Variants in EFNA5 observed in about 807,000 individuals in gnomAD.
EFNA5 encodes the protein ephrin A5.
Under a neutral mutation model 22.9 loss-of-function variants are expected in EFNA5, and 5 were observed. The observed-to-expected ratio is 0.22, with a 90% CI of 0.11 to 0.46. EFNA5 has a LOEUF of 0.46. EFNA5 is among the 20% of genes least tolerant of loss of function. The pLI, the probability that EFNA5 is intolerant of heterozygous loss-of-function variation, is 0.99. For synonymous variants in EFNA5, 113 were observed against 112.2 expected, an observed-to-expected ratio of 1.01 and a Z score of -0.04; for missense variants, 237 against 293.3, an observed-to-expected ratio of 0.81 and a Z score of 1.40.
At chr5:107,569,100 C>T (rs974916411) in intron 1 of EFNA5, among the ~76,000 whole-genome samples, 3 of 151,780 alleles carry the variant, frequency 2.0e-5, no homozygotes, top group African/African-American at 7.3e-5. Flanking sequence ...GCATATTAAC[C>T]CCCAGATGAG....
chr5:107,548,873 G>A (rs1229458736), intron 1 of EFNA5, among the ~76,000 whole-genome samples: 2 of 152,246 alleles, frequency 1.3e-5, no homozygotes, highest in South Asian at 2.1e-4. Flanking sequence ...AAAAGTCTTC[G>A]AGAGGATTTG....
At chr5:107,610,520 G>C (rs1203042024) in intron 1 of EFNA5, among the ~76,000 whole-genome samples, 1 of 152,158 alleles carries the variant, frequency 6.6e-6, no homozygotes, top group Non-Finnish European at 1.5e-5. Context: ...ATGATACTTT[G>C]TCTCTATGAA....
intron 1 of EFNA5, among the ~76,000 whole-genome samples, chr5:107,654,291 T>C (rs1191162512): frequency 1.3e-5 from 2 of 152,176 alleles, no homozygotes; most frequent in Admixed American, 6.6e-5. Flanking sequence ...AGACCTTCTA[T>C]ATTAAATATG....
At chr5:107,546,111 A>G (rs1171396124) in intron 1 of EFNA5, among the ~76,000 whole-genome samples, 1 of 152,180 alleles carries the variant, frequency 6.6e-6, no homozygotes, top group African/African-American at 2.4e-5. Context: ...AGCGATATCA[A>G]AAGTTGTATT....
At chr5:107,584,463 T>C (rs891756023) in intron 1 of EFNA5, among the ~76,000 whole-genome samples, 1 of 152,214 alleles carries the variant, frequency 6.6e-6, no homozygotes, top group African/African-American at 2.4e-5. Flanking sequence ...CCCTGAGATT[T>C]ATATATTCCC....
At chr5:107,510,503 A>T (rs1415148160) in intron 1 of EFNA5, among the ~76,000 whole-genome samples, 1 of 152,144 alleles carries the variant, frequency 6.6e-6, no homozygotes, top group Non-Finnish European at 1.5e-5. Context: ...AGGGACTTGC[A>T]CCAAACTCCT....
In EFNA5 at chr5:107,381,198, T is replaced by C. The variant is rs780500288; in HGVS notation, c.*57A>G. 6.4e-7 allele frequency: 1 copy of C among 1,559,720 alleles called. No individual in the cohort carries two copies. Among genetic ancestry groups the C allele is most frequent in the African/African-American group, 1.3e-5 (1 of 74,202 alleles). On this transcript the variant is annotated 3_prime_UTR_variant, in exon 5 of 5. Coordinates refer to ENST00000333274, the MANE Select transcript of EFNA5 (RefSeq NM_001962.3). ...TTCTTAGGATGAGCAGTTAGGTGGATCTCTGGTGTTCCAAGACCCTGATGT... is the reference window on the plus strand; with the variant it reads ...TTCTTAGGATGAGCAGTTAGGTGGACCTCTGGTGTTCCAAGACCCTGATGT...
chr5:107,414,785 A>C (rs956528164), intron 2 of EFNA5, among the ~76,000 whole-genome samples: 8 of 152,194 alleles, frequency 5.3e-5, no homozygotes, highest in Non-Finnish European at 7.4e-5. Context: ...TAATCTAGCA[A>C]ATGTTATTGA....
intron 1 of EFNA5, among the ~76,000 whole-genome samples, chr5:107,583,606 C>A (rs145458181): frequency 1.3e-5 from 2 of 152,038 alleles, no homozygotes; most frequent in African/African-American, 4.8e-5. Context: ...GGAGCATCTG[C>A]GTGGGTTACA....
rs142309420 is a variant in EFNA5, at chr5:107,588,811, G to C, written c.125+81678C>G. ...AGACTCATTTAAATTATCAACCTGA[G>C]CATTAACCACAAGGAGAGAAAAACA... On this transcript the variant is annotated intron_variant, in intron 1 of 4. Coordinates refer to ENST00000333274, the MANE Select transcript of EFNA5 (RefSeq NM_001962.3). 1.3e-3 allele frequency among the ~76,000 whole-genome samples: 199 copies of C among 152,276 alleles called. 1 individual carries two copies. The highest frequency in any genetic ancestry group is 4.7e-3 in the African/African-American group (196 of 41,558).
rs114894721 is a variant in EFNA5 at position 107,482,643 on chromosome 5, G to A, written c.126-55134C>T. On this transcript the variant is annotated intron_variant, in intron 1 of 4. Coordinates refer to ENST00000333274, the MANE Select transcript of EFNA5 (RefSeq NM_001962.3). ...TGGGCCTTGTCGTGATATCATTTGCGCAATGTAGCCTGTGATGGCAGAAAA... is the reference window on the plus strand; with the variant it reads ...TGGGCCTTGTCGTGATATCATTTGCACAATGTAGCCTGTGATGGCAGAAAA... Among the ~76,000 whole-genome samples, 626 of 152,150 alleles carry A rather than the reference G, an allele frequency of 4.1e-3. 3 individuals carry two copies. The highest frequency in any genetic ancestry group is 0.015 in the African/African-American group (603 of 41,506).
At chr5:107,586,231 C>T (rs1749183577) in intron 1 of EFNA5, among the ~76,000 whole-genome samples, 1 of 152,112 alleles carries the variant, frequency 6.6e-6, no homozygotes, top group Non-Finnish European at 1.5e-5. Flanking sequence ...TAAAGATCTA[C>T]AATTACAATA....
intron 1 of EFNA5, among the ~76,000 whole-genome samples, chr5:107,486,898 G>C (rs969393791): frequency 2.0e-5 from 3 of 151,638 alleles, no homozygotes; most frequent in Non-Finnish European, 2.9e-5. Flanking sequence ...GGTCTCCTCA[G>C]TGTATTTATA....
At chr5:107,523,063 T>A (rs1747627802) in intron 1 of EFNA5, among the ~76,000 whole-genome samples, 1 of 152,200 alleles carries the variant, frequency 6.6e-6, no homozygotes, top group Non-Finnish European at 1.5e-5. Context: ...CAAGTTAATA[T>A]CACTAAGCTC....
At chr5:107,641,254 A>G (rs981075029) in intron 1 of EFNA5, among the ~76,000 whole-genome samples, 3 of 151,800 alleles carry the variant, frequency 2.0e-5, no homozygotes, top group African/African-American at 7.3e-5. Flanking sequence ...GCTACTCGGG[A>G]GGCTGAGGAG....
At chr5:107,419,832 A>G (rs1748606502) in intron 2 of EFNA5, among the ~76,000 whole-genome samples, 1 of 152,172 alleles carries the variant, frequency 6.6e-6, no homozygotes, top group Non-Finnish European at 1.5e-5. Flanking sequence ...AGACTTCAGT[A>G]ATCAAAAACA....
intron 1 of EFNA5, among the ~76,000 whole-genome samples, chr5:107,530,970 T>C (rs1702317690): frequency 6.6e-6 from 1 of 152,220 alleles, no homozygotes; most frequent in African/African-American, 2.4e-5. Flanking sequence ...TTTACTAGTA[T>C]AGATGCACTA....
At chr5:107,616,022 G>C (rs752228656) in intron 1 of EFNA5, among the ~76,000 whole-genome samples, 9 of 152,146 alleles carry the variant, frequency 5.9e-5, no homozygotes, top group Non-Finnish European at 1.3e-4. Context: ...TATATTTTAA[G>C]CAGGGGGTTA....
intron 2 of EFNA5, among the ~76,000 whole-genome samples, chr5:107,404,716 A>G (rs1245371811): frequency 6.6e-6 from 1 of 152,186 alleles, no homozygotes; most frequent in African/African-American, 2.4e-5. Context: ...CTCAGTTTAC[A>G]GTATAAATCA....
Sources: gnomAD v4.1 joint callset for allele counts (sites outside exome capture counted in the v4.1 genomes callset) on GRCh38, gnomAD v4.1.1 for gene constraint, MANE v1.5 for transcripts, NCBI Gene and HGNC (gene_info 2026-07-23, HGNC 2026-07-21) for gene names.